SLC47A2: variants seen among roughly 807,000 people sequenced by gnomAD.
The protein encoded by SLC47A2 is solute carrier family 47 member 2.
Under a neutral mutation model 67.7 loss-of-function variants are expected in SLC47A2, and 52 were observed. The ratio of observed to expected loss-of-function variants is 0.77; its 90% confidence interval spans 0.61 to 0.97. The LOEUF (loss-of-function observed/expected upper bound fraction) is 0.97. Ranked by LOEUF, SLC47A2 falls within the 50% of genes least tolerant of loss-of-function variation. SLC47A2 has a pLI of 0.00. For synonymous variants in SLC47A2, 278 were observed against 292.9 expected (o/e 0.95, Z 0.52); for missense variants, 676 against 712.3 (o/e 0.95, Z 0.58).
intron 3 of SLC47A2, chr17:19,714,518 T>A: frequency 1.6e-6 from 1 of 643,332 alleles, no homozygotes; most frequent in Non-Finnish European, 2.7e-6. Flanking sequence ...CACCCCTTTC[T>A]CCTGGCCCAG....
chr17:19,711,700 T>G (rs1369402341), intron 5 of SLC47A2, among the ~76,000 whole-genome samples: 1 of 151,900 alleles, frequency 6.6e-6, no homozygotes, highest in Non-Finnish European at 1.5e-5. Flanking sequence ...AGTGGAAGTT[T>G]TTGCTGGTGG....
In SLC47A2 at chr17:19,678,914, A is replaced by G. The variant is rs749671608; in HGVS notation, c.1481-8T>C. The G allele has an allele frequency of 3.2e-6, 5 of 1,556,176 alleles. No homozygotes were observed. In the Admixed American group the frequency reaches 9.7e-5, roughly 30 times the overall value. ...GGGAACTGCCTGTAGCCACTGCGGA[A>G]GCAAACAGGAGCAAACTCAGCAGGT... is the stretch of plus-strand genomic sequence containing the variant. On this transcript the variant is annotated splice_region_variant and splice_polypyrimidine_tract_variant and intron_variant, in intron 16 of 16. Transcript: ENST00000433844.
chr17:19,704,011 GC>G, intron 11 of SLC47A2, 58 bp downstream of exon 11: 1 of 1,349,456 alleles, frequency 7.4e-7, no homozygotes, highest in Non-Finnish European at 1.0e-6. Context: ...CCTTCCTGTG[GC>G]CCAGGCTGGT....
intron 13 of SLC47A2, chr17:19,692,309 AAAAAC>A (rs1487497435): frequency 2.3e-6 from 1 of 441,408 alleles, no homozygotes; most frequent in Non-Finnish European, 4.5e-6. Flanking sequence ...AATAAAACCA[AAAAAC>A]AAAGAGAGTT....
chr17:19,708,634 G>A (rs2086012393), intron 6 of SLC47A2, 82 bp downstream of exon 6: 2 of 1,599,528 alleles, frequency 1.3e-6, no homozygotes, highest in South Asian at 2.2e-5. Flanking sequence ...GTGGAGAGAA[G>A]GGGAAAGCCC....
intron 13 of SLC47A2, chr17:19,692,391 A>G (rs1242663585): frequency 5.3e-6 from 2 of 379,704 alleles, no homozygotes; most frequent in East Asian, 1.7e-4. Context: ...GAAGAAAATT[A>G]AAGGAAATAT....
At chr17:19,692,231 A>G (rs898689412) in intron 13 of SLC47A2, 2 of 402,184 alleles carry the variant, frequency 5.0e-6, no homozygotes, top group African/African-American at 2.1e-5. Context: ...CCATGTCAAA[A>G]AAAAAAAAAA....
chr17:19,703,929 G>A, intron 11 of SLC47A2, 141 bp downstream of exon 11: 1 of 598,534 alleles, frequency 1.7e-6, no homozygotes, highest in Non-Finnish European at 2.8e-6. Context: ...ACCTGGGTCA[G>A]ATGGCAGGTC....
In SLC47A2 at chr17:19,682,565, C is replaced by T. The variant is rs922672007; in HGVS notation, c.1165-895G>A. On this transcript the variant is annotated intron_variant, in intron 13 of 16. Coordinates refer to ENST00000433844, the MANE Select transcript of SLC47A2 (RefSeq NM_001099646.3). ...CTCTGCTTCCAGCCTCACATCTCCT[C>T]TGACTCTCCTGCCTCCCTCTTCTAA... 5.9e-5 allele frequency among the ~76,000 whole-genome samples: 9 copies of T among 152,186 alleles called. No homozygotes were observed. The East Asian group carries it at 1.7e-3, about 29-fold the overall frequency.
At chr17:19,689,545 A>C (rs1369380471) in intron 13 of SLC47A2, among the ~76,000 whole-genome samples, 1 of 151,950 alleles carries the variant, frequency 6.6e-6, no homozygotes, top group Non-Finnish European at 1.5e-5. Context: ...AAAAATACAA[A>C]AATTATCTGG....
intron 12 of SLC47A2, 130 bp from the exon 13 acceptor site, chr17:19,702,804 A>C (rs2085821525): frequency 9.5e-7 from 1 of 1,057,628 alleles, no homozygotes; most frequent in South Asian, 1.4e-5. Flanking sequence ...ACACAAATGT[A>C]ACTGGCACTG....
chr17:19,705,293 G>T (rs1489784464), intron 10 of SLC47A2, 143 bp downstream of exon 10: 10 of 775,280 alleles, frequency 1.3e-5, no homozygotes, highest in South Asian at 3.4e-5. Flanking sequence ...GCTGAGCAGG[G>T]TCTGGACCTG....
At chr17:19,711,588 C>CAAAAAAAAA (rs35308426) in intron 5 of SLC47A2, among the ~76,000 whole-genome samples, 68 of 33,000 alleles carry the variant, frequency 2.1e-3, no homozygotes, top group Non-Finnish European at 3.2e-3. Flanking sequence ...AACTCCGTCT[C>CAAAAAAAAA]AAAAAAAAAA....
Position 19,713,846 on chromosome 17 carries a change from C to A in SLC47A2, c.422G>T (p.Arg141Leu), listed in dbSNP as rs759258257. The change falls in exon 4 of 17, where the codon CGG (arginine) becomes CTG (leucine). Residue 141 changes from arginine to leucine, a missense_variant. Transcript: ENST00000433844. The part of the protein sequence containing the change: ...LNTQHILLLF[R>L]QDPDVSRLTQ... ...GCACCTGGACACGTCCGGGTCCTGC[C>A]GGAAGAGCAGCAGGATGTGCTGGGT... 6 of 1,613,002 alleles carry A rather than the reference C, an allele frequency of 3.7e-6. No homozygotes were observed. The highest frequency in any genetic ancestry group is 1.1e-5 in the South Asian group (1 of 91,022).
In SLC47A2 at chr17:19,712,589, G is replaced by A. The variant is rs573857464; in HGVS notation, c.486+114C>T. 8.1e-6 allele frequency: 9 copies of A among 1,107,380 alleles called. No individual in the cohort carries two copies. In the East Asian group the frequency reaches 1.5e-4, roughly 18 times the overall value. The allele number at this position is 1,107,380 out of a possible 1,614,324, so 68.6% of individuals were successfully genotyped here. A position where few individuals can be genotyped will look rare whatever the true frequency, so the allele number is the denominator to read the frequency against. ...GGAACTTTTGTCAGTCACCCTCATGGCCCAGCAGGAAGTCACAGCAGGATA... is the reference window on the plus strand; with the variant it reads ...GGAACTTTTGTCAGTCACCCTCATGACCCAGCAGGAAGTCACAGCAGGATA... On this transcript the variant is annotated intron_variant, in intron 5 of 16. Transcript: ENST00000433844.
chr17:19,699,322 A>C (rs1303295801), intron 13 of SLC47A2, among the ~76,000 whole-genome samples: 2 of 152,200 alleles, frequency 1.3e-5, no homozygotes, highest in Non-Finnish European at 2.9e-5. Context: ...TAAAACTCCT[A>C]CAAAATAATA....
intron 10 of SLC47A2, chr17:19,704,786 T>C (rs2085883629): frequency 1.0e-6 from 1 of 953,776 alleles, no homozygotes; most frequent in Non-Finnish European, 1.5e-6. Context: ...CCGACTGCAG[T>C]GTGCAGGAAT....
chr17:19,679,885 A>G (rs2085275600), intron 16 of SLC47A2, 67 bp downstream of exon 16: 2 of 1,486,690 alleles, frequency 1.3e-6, no homozygotes, highest in East Asian at 4.6e-5. Flanking sequence ...CACAGAGGGC[A>G]GACAAGAGCA....
chr17:19,717,645 G>T (rs1049872766), upstream of SLC47A2: 1 of 151,942 alleles, frequency 6.6e-6, no homozygotes, highest in Non-Finnish European at 1.5e-5. Context: ...GCAGGATTCC[G>T]AGATGCAGCC....
Sources: allele counts gnomAD v4.1 joint callset (sites outside exome capture counted in the v4.1 genomes callset), GRCh38; gene constraint gnomAD v4.1.1; transcripts MANE v1.5; gene names NCBI Gene and HGNC (gene_info 2026-07-23, HGNC 2026-07-21).